Variants in NEDD9 observed in about 807,000 individuals in gnomAD.
NEDD9 encodes enhancer of filamentation 1.
NEDD9 carries 26 observed loss-of-function variants against 76.6 expected under a neutral mutation model. The ratio of observed to expected loss-of-function variants is 0.34; its 90% CI spans 0.25 to 0.47. NEDD9 has a LOEUF of 0.47. NEDD9 is among the 20% of genes least tolerant of loss of function. The probability of loss-of-function intolerance (pLI) is 1.00; values close to 1 mark genes in which losing one functional copy is unlikely to be tolerated. For synonymous variants in NEDD9, 392 were observed against 414.2 expected, an observed-to-expected ratio of 0.95 and a Z score of 0.65; for missense variants, 937 against 1,058.5, an observed-to-expected ratio of 0.89 and a Z score of 1.59.
chr6:11,306,292 C>A, intron 2 of NEDD9: 1 of 490,182 alleles, frequency 2.0e-6, no homozygotes, highest in Non-Finnish European at 3.7e-6. Context: ...ATCATCCATT[C>A]ATTCATGCAA....
At chr6:11,379,161 T>G (rs1047704511) in intron 1 of NEDD9, among the ~76,000 whole-genome samples, 2 of 152,254 alleles carry the variant, frequency 1.3e-5, no homozygotes, top group African/African-American at 4.8e-5. Context: ...CACTGGGAGA[T>G]GCAGCCATGC....
intron 2 of NEDD9, among the ~76,000 whole-genome samples, chr6:11,329,406 G>C (rs1286220486): frequency 6.6e-6 from 1 of 152,148 alleles, no homozygotes; most frequent in East Asian, 1.9e-4. Flanking sequence ...CCCACAACCT[G>C]TCCCCCAGGA....
intron 1 of NEDD9, among the ~76,000 whole-genome samples, chr6:11,349,315 T>C (rs1170772554): frequency 2.0e-5 from 3 of 152,154 alleles, no homozygotes; most frequent in Non-Finnish European, 4.4e-5. Context: ...TTATATACCA[T>C]TGGTGGGAGT....
chr6:11,246,277 G>A (rs1329317092), intron 3 of NEDD9, among the ~76,000 whole-genome samples: 2 of 152,202 alleles, frequency 1.3e-5, no homozygotes, highest in Non-Finnish European at 2.9e-5. Context: ...GGGCAGCCGG[G>A]AAGAGGCACA....
At chr6:11,234,515 G>T (rs1561801236), upstream of NEDD9, among the ~76,000 whole-genome samples, 13 of 152,028 alleles carry the variant, frequency 8.6e-5, no homozygotes, top group Admixed American at 6.6e-5. Context: ...TTGTGCTGGG[G>T]TTTTTTTGTA....
At chr6:11,234,779 A>G (rs1411321685), upstream of NEDD9, among the ~76,000 whole-genome samples, 2 of 149,982 alleles carry the variant, frequency 1.3e-5, no homozygotes, top group Non-Finnish European at 2.9e-5. Flanking sequence ...GCAGTGGTGC[A>G]ATATCGGCTC....
At chr6:11,231,900 A>G (rs1284664285) in intron 1 of NEDD9, among the ~76,000 whole-genome samples, 1 of 152,190 alleles carries the variant, frequency 6.6e-6, no homozygotes, top group Non-Finnish European at 1.5e-5. Context: ...TCCAATAAAA[A>G]TGTTTTCAAG....
chr6:11,338,120 G>A (rs1340057895), intron 1 of NEDD9, among the ~76,000 whole-genome samples: 1 of 152,170 alleles, frequency 6.6e-6, no homozygotes, highest in Non-Finnish European at 1.5e-5. Flanking sequence ...TAGGGTTGTT[G>A]CAGATGTCAT....
chr6:11,185,763 T>C, intron 6 of NEDD9, 92 bp from the exon 7 acceptor site: 2 of 1,449,166 alleles, frequency 1.4e-6, no homozygotes, highest in Non-Finnish European at 1.9e-6. Context: ...ACAGGGATTT[T>C]AGTCGCTAGT....
At chr6:11,290,616 G>C (rs759656960) in intron 3 of NEDD9, among the ~76,000 whole-genome samples, 1 of 152,060 alleles carries the variant, frequency 6.6e-6, no homozygotes, top group African/African-American at 2.4e-5. Flanking sequence ...GGAGTCCTGC[G>C]TAGAAGAGCA....
intron 1 of NEDD9, among the ~76,000 whole-genome samples, chr6:11,354,296 C>A (rs1762526460): frequency 6.6e-6 from 1 of 152,194 alleles, no homozygotes. Flanking sequence ...AACCAAAGCA[C>A]AGAGAACATG....
At chr6:11,361,013 T>C (rs1762671967) in intron 1 of NEDD9, among the ~76,000 whole-genome samples, 1 of 152,230 alleles carries the variant, frequency 6.6e-6, no homozygotes, top group Admixed American at 6.5e-5. Flanking sequence ...TACATGTGTG[T>C]GAGGCATGTA....
intron 3 of NEDD9, among the ~76,000 whole-genome samples, chr6:11,296,679 C>CCCTCCCTTCCTT (rs1760900724): frequency 1.1e-5 from 1 of 92,856 alleles, no homozygotes; most frequent in Non-Finnish European, 2.0e-5. Flanking sequence ...CCTTTCCTTT[C>CCCTCCCTTCCTT]CCTTCCTTCC....
At chr6:11,208,216 G>T (rs1362047890) in intron 2 of NEDD9, among the ~76,000 whole-genome samples, 2 of 151,260 alleles carry the variant, frequency 1.3e-5, no homozygotes, top group Non-Finnish European at 2.9e-5. Flanking sequence ...CTCCTTAGGT[G>T]ACCACAGAGG....
chr6:11,242,089 C>T (rs1053748216), intron 3 of NEDD9, among the ~76,000 whole-genome samples: 28 of 152,204 alleles, frequency 1.8e-4, no homozygotes, highest in African/African-American at 6.0e-4. Flanking sequence ...GGGCCGAGGA[C>T]TGGGTGGTGA....
chr6:11,350,782 T>G (rs1367627163), intron 1 of NEDD9, among the ~76,000 whole-genome samples: 1 of 151,912 alleles, frequency 6.6e-6, no homozygotes, highest in Non-Finnish European at 1.5e-5. Flanking sequence ...GGGAGACAGG[T>G]GAGTGAGCAA....
chr6:11,234,092 C>A (rs559783484), upstream of NEDD9, among the ~76,000 whole-genome samples: 1 of 152,168 alleles, frequency 6.6e-6, no homozygotes, highest in Non-Finnish European at 1.5e-5. Context: ...ACCCCCCAGG[C>A]CATCCTAATG....
intron 1 of NEDD9, among the ~76,000 whole-genome samples, chr6:11,368,110 G>T (rs1384389253): frequency 6.6e-6 from 1 of 152,194 alleles, no homozygotes; most frequent in East Asian, 1.9e-4. Flanking sequence ...AAGCTACTGT[G>T]CGCAGTCTGG....
In NEDD9 at chr6:11,237,987, G is replaced by C. The variant is rs567477686; in HGVS notation, c.13-24260C>G. Among the ~76,000 whole-genome samples, 1 of 152,274 alleles carries C rather than the reference G, an allele frequency of 6.6e-6. No homozygotes were observed. The highest frequency in any genetic ancestry group is 2.1e-4 in the South Asian group (1 of 4,810). On this transcript the variant is annotated intron_variant, in intron 3 of 3. Transcript: ENST00000397378. The surrounding 1 kb of genome is among the most constrained non-coding windows in gnomAD (Gnocchi z 4.9). ...TTTAAAAACAATCTACATATACCAA[G>C]CTTATTTCAAAAATAATTGGAGGCA...
Sources: allele counts gnomAD v4.1 joint callset (sites outside exome capture counted in the v4.1 genomes callset), GRCh38; gene constraint gnomAD v4.1.1; non-coding constraint Gnocchi (gnomAD v3.1); transcripts MANE v1.5; gene names NCBI Gene and HGNC (gene_info 2026-07-23, HGNC 2026-07-21).